OPCML: variants seen among roughly 807,000 people sequenced by gnomAD.
The protein encoded by OPCML is opioid binding protein/cell adhesion molecule like.
A neutral mutation model predicts 37.8 loss-of-function variants in OPCML; 13 were observed. The observed-to-expected ratio is 0.34, with a 90% CI of 0.22 to 0.55. The LOEUF (loss-of-function observed/expected upper bound fraction) is 0.55. Among genes scored for constraint, OPCML ranks in the 20% least tolerant of loss-of-function variants. The pLI is 0.91. For missense variants in OPCML, 341 were observed against 435.6 expected (o/e 0.78, Z 1.93); for synonymous variants, 176 against 168.8 (o/e 1.04, Z -0.33).
At chr11:133,022,406 T>C (rs755971256) in intron 1 of OPCML, among the ~76,000 whole-genome samples, 5 of 152,134 alleles carry the variant, frequency 3.3e-5, no homozygotes, top group Non-Finnish European at 7.4e-5. Flanking sequence ...TTTCGTTACA[T>C]GGATAGACAG....
chr11:133,382,779 C>T (rs1264616652), intron 1 of OPCML, among the ~76,000 whole-genome samples: 2 of 152,186 alleles, frequency 1.3e-5, no homozygotes, highest in Non-Finnish European at 2.9e-5. Flanking sequence ...CCCCACTCCA[C>T]CCAGCCCGAC....
At chr11:132,487,690 C>T (rs2096204215) in intron 4 of OPCML, among the ~76,000 whole-genome samples, 1 of 152,136 alleles carries the variant, frequency 6.6e-6, no homozygotes, top group Non-Finnish European at 1.5e-5. Context: ...GATCTTATTA[C>T]CTGGCCAGAT....
chr11:132,568,024 CTGTG>C (rs549824512), intron 3 of OPCML, among the ~76,000 whole-genome samples: 4 of 147,876 alleles, frequency 2.7e-5, no homozygotes, highest in African/African-American at 2.5e-5. Context: ...CCGAATAGAT[CTGTG>C]TGTGTGTGTG....
intron 2 of OPCML, among the ~76,000 whole-genome samples, chr11:132,877,212 G>A (rs373019367): frequency 5.9e-5 from 9 of 152,208 alleles, no homozygotes; most frequent in Admixed American, 1.3e-4. Context: ...AACCTGCAGA[G>A]GAGGTTTGAA....
chr11:133,194,396 T>C (rs1938453329), intron 1 of OPCML, among the ~76,000 whole-genome samples: 1 of 151,902 alleles, frequency 6.6e-6, no homozygotes, highest in Admixed American at 6.6e-5. Flanking sequence ...TTTTAGAAGA[T>C]ATGGGGTTTC....
intron 1 of OPCML, chr11:133,007,604 G>T: frequency 1.0e-6 from 1 of 985,412 alleles, no homozygotes; most frequent in Non-Finnish European, 1.2e-6. Context: ...GCTTGTAGAA[G>T]CTGGGATGCA....
intron 1 of OPCML, among the ~76,000 whole-genome samples, chr11:133,243,898 A>G (rs868312868): frequency 2.0e-5 from 3 of 152,224 alleles, no homozygotes; most frequent in Admixed American, 6.5e-5. Flanking sequence ...CCTCAGAGTT[A>G]TTGCCCTGGA....
chr11:133,380,037 G>T (rs1486547421), intron 1 of OPCML, among the ~76,000 whole-genome samples: 1 of 152,104 alleles, frequency 6.6e-6, no homozygotes, highest in Non-Finnish European at 1.5e-5. Context: ...CATGCCCCAG[G>T]TACCAGGAAC....
At position 133,313,890 on chromosome 11, in the gene OPCML, G is replaced by A. The variant is rs192394400; in HGVS notation, c.61+218374C>T. Among the ~76,000 whole-genome samples, 10 of 152,196 alleles carry A rather than the reference G, an allele frequency of 6.6e-5. No individual in the cohort carries two copies. The East Asian group carries it at 1.9e-3, about 29-fold the overall frequency. On this transcript the variant is annotated intron_variant, in intron 1 of 7. Transcript: ENST00000524381. ...AGCGATGATAGAAAACTAATATAAT[G>A]GTACAGAGAGAACTATCAGTTTGAA...
chr11:133,400,486 C>T (rs1025986567), intron 1 of OPCML, among the ~76,000 whole-genome samples: 1 of 152,138 alleles, frequency 6.6e-6, no homozygotes, highest in Non-Finnish European at 1.5e-5. Context: ...CTTCTAAGAG[C>T]TTTCCCAGAA....
intron 2 of OPCML, among the ~76,000 whole-genome samples, chr11:132,870,704 G>T (rs1942762722): frequency 6.6e-6 from 1 of 152,126 alleles, no homozygotes; most frequent in Non-Finnish European, 1.5e-5. Context: ...AGATAAATTC[G>T]ATGAAATACC....
At chr11:132,886,861 C>T (rs1943442493) in intron 2 of OPCML, among the ~76,000 whole-genome samples, 1 of 152,182 alleles carries the variant, frequency 6.6e-6, no homozygotes, top group South Asian at 2.1e-4. Flanking sequence ...TTCCTGACTT[C>T]TTGCATATAC....
At chr11:133,245,213 C>A (rs1940877573) in intron 1 of OPCML, among the ~76,000 whole-genome samples, 1 of 152,214 alleles carries the variant, frequency 6.6e-6, no homozygotes, top group African/African-American at 2.4e-5. Context: ...AGTTCCCAAC[C>A]ACCTGCACTA....
intron 1 of OPCML, among the ~76,000 whole-genome samples, chr11:133,196,474 G>T (rs1198864910): frequency 6.6e-6 from 1 of 152,156 alleles, no homozygotes; most frequent in African/African-American, 2.4e-5. Context: ...AAGCCCCTTG[G>T]TGAAGGCTAT....
At chr11:132,469,692 GTA>G (rs1217229399) in intron 4 of OPCML, among the ~76,000 whole-genome samples, 6 of 143,040 alleles carry the variant, frequency 4.2e-5, no homozygotes, top group Non-Finnish European at 9.2e-5. Context: ...GTGTGGGGGT[GTA>G]TGTGTGTGTA....
intron 7 of OPCML, among the ~76,000 whole-genome samples, chr11:132,434,487 C>T (rs1328930475): frequency 1.3e-5 from 2 of 152,186 alleles, no homozygotes; most frequent in Admixed American, 6.5e-5. Flanking sequence ...TGGGCAAATG[C>T]TCCAATACCT....
chr11:133,333,089 C>T lies in OPCML; in HGVS notation c.61+199175G>A, dbSNP rs535585630. On this transcript the variant is annotated intron_variant, in intron 1 of 7. Transcript: ENST00000524381. ...GTAGTAGTATCTTGAGACAGAGTCT[C>T]GTTTTGTTACCCGGGTTGGAGTGCA... Among the ~76,000 whole-genome samples the T allele has an allele frequency of 8.8e-4, 134 of 152,168 alleles. 1 individual carries two copies. Among genetic ancestry groups the T allele is most frequent in the African/African-American group, 2.9e-3 (119 of 41,514 alleles).
chr11:133,010,790 C>T (rs1442966485), intron 1 of OPCML, among the ~76,000 whole-genome samples: 1 of 151,994 alleles, frequency 6.6e-6, no homozygotes, highest in Non-Finnish European at 1.5e-5. Context: ...CTGGTCTTGC[C>T]AAGTTGATAT....
intron 3 of OPCML, among the ~76,000 whole-genome samples, chr11:132,644,585 A>C (rs1941049365): frequency 6.6e-6 from 1 of 152,218 alleles, no homozygotes; most frequent in Non-Finnish European, 1.5e-5. Context: ...TGATAAAAAG[A>C]GGATTTGGTA....
Sources: gnomAD v4.1 joint callset for allele counts (sites outside exome capture counted in the v4.1 genomes callset) on GRCh38, gnomAD v4.1.1 for gene constraint, MANE v1.5 for transcripts, NCBI Gene and HGNC (gene_info 2026-07-23, HGNC 2026-07-21) for gene names.